Variants in STAG1 observed in about 807,000 individuals in gnomAD.
STAG1 encodes STAG1 cohesin complex component.
A neutral mutation model predicts 170.9 loss-of-function variants in STAG1; 26 were observed. The observed-to-expected ratio is 0.15, with a 90% CI of 0.11 to 0.21. STAG1 has a LOEUF of 0.21. Ranked by LOEUF, STAG1 falls within the 10% of genes least tolerant of loss-of-function variation. The probability of loss-of-function intolerance (pLI) is 1.00; values close to 1 mark genes in which losing one functional copy is unlikely to be tolerated. For missense variants in STAG1, 964 were observed against 1,509.5 expected (o/e 0.64, Z 5.99); for synonymous variants, 514 against 497.7 (o/e 1.03, Z -0.44).
At chr3:136,495,917 A>G (rs1175292697) in intron 9 of STAG1, among the ~76,000 whole-genome samples, 1 of 149,642 alleles carries the variant, frequency 6.7e-6, no homozygotes, top group African/African-American at 2.5e-5. Context: ...TGCAGAGAGC[A>G]GAGACCGTGC....
chr3:136,379,645 G>A (rs887958356), intron 22 of STAG1, among the ~76,000 whole-genome samples: 1 of 152,120 alleles, frequency 6.6e-6, no homozygotes, highest in Admixed American at 6.6e-5. Flanking sequence ...GGAGGCAGAG[G>A]TTGCAGTGAG....
chr3:136,652,967 G>A (rs1941264898), intron 1 of STAG1, among the ~76,000 whole-genome samples: 1 of 152,080 alleles, frequency 6.6e-6, no homozygotes, highest in Non-Finnish European at 1.5e-5. Context: ...AAGGGTGGGA[G>A]ACACTGCCCC....
intron 2 of STAG1, among the ~76,000 whole-genome samples, chr3:136,624,613 T>C (rs1940013290): frequency 6.6e-6 from 1 of 152,248 alleles, no homozygotes; most frequent in South Asian, 2.1e-4. Context: ...TTTTTTGTTA[T>C]TGTATTGTAA....
intron 13 of STAG1, among the ~76,000 whole-genome samples, chr3:136,455,182 G>C (rs1181320173): frequency 6.6e-6 from 1 of 152,160 alleles, no homozygotes; most frequent in African/African-American, 2.4e-5. Flanking sequence ...TGTGATATCA[G>C]CAAGATGGTG....
In STAG1 at chr3:136,359,282, A is replaced by C; in HGVS notation, c.2802T>G (p.Leu934=). The C allele has an allele frequency of 2.5e-6, 4 of 1,578,820 alleles. No homozygotes were observed. Among genetic ancestry groups the C allele is most frequent in the Non-Finnish European group, 3.4e-6 (4 of 1,162,734 alleles). ...ILSLQQLFNE[L]VQEQGPNLDR... is the part of the protein sequence containing the mutation. ...CTAGGTTGGGACCTTGCTCTTGAAC[A>C]AGTTCATTAAATAACTGATAGAAAG... Residue 934 remains leucine (L), a synonymous_variant, in exon 27 of 34, where the codon CTT becomes CTG. Coordinates refer to ENST00000383202, the MANE Select transcript of STAG1 (RefSeq NM_005862.3).
At chr3:136,723,901 C>T (rs376914758) in intron 1 of STAG1, among the ~76,000 whole-genome samples, 3 of 147,832 alleles carry the variant, frequency 2.0e-5, no homozygotes, top group Non-Finnish European at 3.0e-5. Flanking sequence ...GCCCCCCGCC[C>T]GGCCAGTCGC....
intron 6 of STAG1, among the ~76,000 whole-genome samples, chr3:136,532,648 C>T (rs1935430747): frequency 6.6e-6 from 1 of 152,124 alleles, no homozygotes; most frequent in Admixed American, 6.6e-5. Flanking sequence ...ATAACATCAA[C>T]AGACTGAAGG....
intron 7 of STAG1, among the ~76,000 whole-genome samples, chr3:136,512,058 C>A (rs935731596): frequency 5.1e-5 from 6 of 118,288 alleles, no homozygotes; most frequent in Non-Finnish European, 9.9e-5. Context: ...AATTTGAGAC[C>A]AGACTAGGAA....
chr3:136,514,419 C>T (rs1934240801), intron 7 of STAG1, among the ~76,000 whole-genome samples: 1 of 152,108 alleles, frequency 6.6e-6, no homozygotes, highest in Non-Finnish European at 1.5e-5. Context: ...ACAACAGATG[C>T]TAGAGAGGAT....
rs201522987 is a variant in STAG1, at chr3:136,433,528, T to C, written c.1650+28A>G. On this transcript the variant is annotated intron_variant, in intron 16 of 33. Coordinates refer to ENST00000383202, the MANE Select transcript of STAG1 (RefSeq NM_005862.3). ...CAGTTAATTGCCATTAAAAACCTTT[T>C]AGGAGATTTCTCACTAATGTAACTT... The C allele has an allele frequency of 3.6e-5, 55 of 1,536,782 alleles. 1 individual carries two copies. The African/African-American group carries it at 4.4e-4, about 12-fold the overall frequency.
intron 1 of STAG1, among the ~76,000 whole-genome samples, chr3:136,632,125 A>G (rs375119524): frequency 6.6e-5 from 10 of 151,704 alleles, no homozygotes; most frequent in Middle Eastern, 3.4e-3. Flanking sequence ...ACAGAGGGGG[A>G]AAAAAAAAGT....
At chr3:136,723,210 C>T (rs1224169689) in intron 1 of STAG1, among the ~76,000 whole-genome samples, 22 of 150,108 alleles carry the variant, frequency 1.5e-4, no homozygotes, top group African/African-American at 4.9e-4. Flanking sequence ...AAGTGAGGAG[C>T]GTCTCTGCCC....
chr3:136,443,865 C>T (rs543853206), intron 14 of STAG1, among the ~76,000 whole-genome samples: 5 of 152,244 alleles, frequency 3.3e-5, no homozygotes, highest in Admixed American at 2.6e-4. Flanking sequence ...GTAAAAAATA[C>T]AAGTTACTCC....
At chr3:136,545,080 G>T (rs934202952) in intron 5 of STAG1, among the ~76,000 whole-genome samples, 2 of 151,408 alleles carry the variant, frequency 1.3e-5, no homozygotes, top group African/African-American at 4.9e-5. Flanking sequence ...ATTGTGTCTT[G>T]CTCTGTTGTC....
rs189027398 is a variant in STAG1, at chr3:136,392,400, A to G, written c.2277+6349T>C. On this transcript the variant is annotated intron_variant, in intron 22 of 33. Coordinates refer to ENST00000383202, the MANE Select transcript of STAG1 (RefSeq NM_005862.3). ...ATAACTGAAGAAAATATGTTAATTG[A>G]AGAGAAGATAAAAATTGAAAGTACA... Among the ~76,000 whole-genome samples the G allele has an allele frequency of 1.3e-3, 202 of 152,286 alleles. 1 individual carries two copies. The highest frequency in any genetic ancestry group is 4.7e-3 in the African/African-American group (197 of 41,572).
intron 1 of STAG1, among the ~76,000 whole-genome samples, chr3:136,645,907 C>T (rs559414413): frequency 6.6e-6 from 1 of 152,312 alleles, no homozygotes; most frequent in East Asian, 1.9e-4. Context: ...CCCTGCCCTA[C>T]CATATGTCCC....
At chr3:136,425,594 GA>G (rs150289268) in intron 16 of STAG1, among the ~76,000 whole-genome samples, 5,318 of 151,566 alleles carry the variant, frequency 0.035, 132 homozygotes, top group Middle Eastern at 0.11. Flanking sequence ...ATAAGTTTGG[GA>G]AAAAAACTCA....
chr3:136,456,964 G>A (rs556050423), intron 13 of STAG1, among the ~76,000 whole-genome samples: 26 of 152,208 alleles, frequency 1.7e-4, no homozygotes, highest in African/African-American at 6.0e-4. Context: ...TAGAAGCTGA[G>A]GGAATTCATC....
At chr3:136,619,159 C>A (rs536070410) in intron 3 of STAG1, among the ~76,000 whole-genome samples, 1 of 151,694 alleles carries the variant, frequency 6.6e-6, no homozygotes, top group Non-Finnish European at 1.5e-5. Context: ...TTCTTAGAAT[C>A]CTTCTGTGTT....
Sources: gnomAD v4.1 joint callset for allele counts (sites outside exome capture counted in the v4.1 genomes callset) on GRCh38, gnomAD v4.1.1 for gene constraint, MANE v1.5 for transcripts, NCBI Gene and HGNC (gene_info 2026-07-23, HGNC 2026-07-21) for gene names.